Variants in LRMDA observed in about 807,000 individuals in gnomAD.
LRMDA encodes the protein leucine rich melanocyte differentiation associated.
LRMDA carries 18 observed loss-of-function variants against 29.8 expected under a neutral mutation model. That is an observed-to-expected ratio of 0.60 (90% CI 0.42 to 0.90). The LOEUF (loss-of-function observed/expected upper bound fraction) is 0.90. Among genes scored for constraint, LRMDA ranks in the 40% least tolerant of loss-of-function variants. The pLI, the probability that LRMDA is intolerant of heterozygous loss-of-function variation, is 0.00. For synonymous variants in LRMDA, 125 were observed against 109.4 expected (o/e 1.14, Z -0.89); for missense variants, 273 against 273.9 (o/e 1.00, Z 0.02).
intron 2 of LRMDA, among the ~76,000 whole-genome samples, chr10:75,980,575 G>T (rs545775605): frequency 1.6e-4 from 24 of 152,284 alleles, no homozygotes; most frequent in African/African-American, 5.8e-4. Flanking sequence ...GGACCCGTGC[G>T]TGTCTGGCTA....
chr10:76,142,402 A>G (rs1291607192), intron 5 of LRMDA, among the ~76,000 whole-genome samples: 1 of 152,098 alleles, frequency 6.6e-6, no homozygotes, highest in Non-Finnish European at 1.5e-5. Flanking sequence ...TTTTGTGTGT[A>G]ATATGCCATT....
At chr10:75,857,379 C>T (rs547225786) in intron 2 of LRMDA, among the ~76,000 whole-genome samples, 123 of 152,312 alleles carry the variant, frequency 8.1e-4, no homozygotes, top group Non-Finnish European at 1.6e-3. Context: ...ATCATCCTCT[C>T]ACCACCTGGT....
chr10:75,916,191 T>G (rs145058460), intron 2 of LRMDA, among the ~76,000 whole-genome samples: 3 of 99,498 alleles, frequency 3.0e-5, no homozygotes, highest in Non-Finnish European at 6.4e-5. Context: ...TGTGTGTGTG[T>G]GTGTGGGTGG....
intron 2 of LRMDA, among the ~76,000 whole-genome samples, chr10:75,953,481 G>T (rs1846612883): frequency 6.6e-6 from 1 of 152,152 alleles, no homozygotes; most frequent in African/African-American, 2.4e-5. Context: ...GGGCCCTGTT[G>T]AAACCCTCCT....
chr10:76,368,988 A>G (rs1194746659), intron 6 of LRMDA, among the ~76,000 whole-genome samples: 1 of 151,890 alleles, frequency 6.6e-6, no homozygotes, highest in Non-Finnish European at 1.5e-5. Flanking sequence ...AGTTTATGTG[A>G]GTTCTTATGT....
chr10:76,387,085 T>C (rs1199409477), intron 6 of LRMDA, among the ~76,000 whole-genome samples: 1 of 152,206 alleles, frequency 6.6e-6, no homozygotes, highest in African/African-American at 2.4e-5. Context: ...ACATCTTTCT[T>C]TTTAGAAGTA....
chr10:76,043,066 G>T (rs1405048279), intron 3 of LRMDA, among the ~76,000 whole-genome samples: 3 of 151,958 alleles, frequency 2.0e-5, no homozygotes, highest in Non-Finnish European at 2.9e-5. Flanking sequence ...AGGTTGCAGT[G>T]AGCCGAGATC....
At chr10:76,055,063 CAAAAAAAAAAAAAAAAAAA>C (rs531729040) in intron 4 of LRMDA, among the ~76,000 whole-genome samples, 1 of 45,898 alleles carries the variant, frequency 2.2e-5, no homozygotes, top group Non-Finnish European at 3.7e-5. Flanking sequence ...GACTCCATCT[CAAAAAAAAAAAAAAAAAAA>C]AAAAAAAAAA....
intron 5 of LRMDA, among the ~76,000 whole-genome samples, chr10:76,173,895 C>T (rs1317524566): frequency 3.3e-5 from 5 of 152,146 alleles, no homozygotes; most frequent in Admixed American, 2.0e-4. Context: ...CTTCTGACCT[C>T]GTAATCTGCC....
intron 2 of LRMDA, among the ~76,000 whole-genome samples, chr10:75,831,329 G>A (rs1401385765): frequency 6.6e-6 from 1 of 152,150 alleles, no homozygotes; most frequent in African/African-American, 2.4e-5. Context: ...TTACAAGCGT[G>A]AGCCACCAGG....
At chr10:76,520,862 AT>A (rs1284514074) in intron 6 of LRMDA, among the ~76,000 whole-genome samples, 1 of 152,106 alleles carries the variant, frequency 6.6e-6, no homozygotes, top group Non-Finnish European at 1.5e-5. Flanking sequence ...CTCCTTCATC[AT>A]GAAGCTTCTT....
chr10:75,565,972 G>C (rs950127453), intron 2 of LRMDA, among the ~76,000 whole-genome samples: 1 of 152,174 alleles, frequency 6.6e-6, no homozygotes, highest in Non-Finnish European at 1.5e-5. Flanking sequence ...CTTCTTGGGA[G>C]GCTGAGGTGG....
At chr10:75,668,156 A>G (rs193080136) in intron 2 of LRMDA, among the ~76,000 whole-genome samples, 2 of 152,344 alleles carry the variant, frequency 1.3e-5, no homozygotes, top group African/African-American at 2.4e-5. Flanking sequence ...GACCTGTACC[A>G]TACCTGCCTG....
chr10:75,655,220 A>G (rs917849872), intron 2 of LRMDA, among the ~76,000 whole-genome samples: 2 of 152,268 alleles, frequency 1.3e-5, no homozygotes, highest in Non-Finnish European at 2.9e-5. Flanking sequence ...TATAACTAAA[A>G]GCACTTTGAC....
intron 2 of LRMDA, among the ~76,000 whole-genome samples, chr10:76,031,977 C>T (rs746004848): frequency 6.6e-6 from 1 of 152,142 alleles, no homozygotes; most frequent in Non-Finnish European, 1.5e-5. Flanking sequence ...GAGGAGAGAT[C>T]GAATTCTTAG....
At chr10:75,516,914 A>G (rs1251667467) in intron 2 of LRMDA, among the ~76,000 whole-genome samples, 2 of 152,170 alleles carry the variant, frequency 1.3e-5, no homozygotes, top group African/African-American at 2.4e-5. Flanking sequence ...AGCTTTCTAC[A>G]TATGGCTAGC....
intron 2 of LRMDA, among the ~76,000 whole-genome samples, chr10:75,544,039 G>A (rs1004341638): frequency 6.6e-6 from 1 of 152,138 alleles, no homozygotes; most frequent in African/African-American, 2.4e-5. Context: ...AACTTCAAAG[G>A]AGTGCCAGGG....
intron 6 of LRMDA, among the ~76,000 whole-genome samples, chr10:76,422,677 A>G (rs1842082730): frequency 6.6e-6 from 1 of 152,178 alleles, no homozygotes. Flanking sequence ...GGATAACTGC[A>G]TTTTATTAAT....
intron 2 of LRMDA, among the ~76,000 whole-genome samples, chr10:75,545,388 C>G (rs541687482): frequency 7.2e-5 from 11 of 152,114 alleles, no homozygotes; most frequent in Non-Finnish European, 1.5e-4. Flanking sequence ...TTACCATAGG[C>G]TTTAGACACA....
Sources: gnomAD v4.1 joint callset for allele counts (sites outside exome capture counted in the v4.1 genomes callset) on GRCh38, gnomAD v4.1.1 for gene constraint, MANE v1.5 for transcripts, NCBI Gene and HGNC (gene_info 2026-07-23, HGNC 2026-07-21) for gene names.